Variants in P4HA3 observed in about 807,000 individuals in gnomAD.
The protein encoded by P4HA3 is prolyl 4-hydroxylase subunit alpha 3, also known as prolyl 4-hydroxylase subunit alpha-3.
P4HA3 carries 60 observed loss-of-function variants against 66.7 expected under a neutral mutation model. The observed-to-expected ratio is 0.90, with a 90% CI of 0.73 to 1.12. The LOEUF (loss-of-function observed/expected upper bound fraction) is 1.12. P4HA3 is among the 50% of genes most tolerant of loss of function. The pLI is 0.00. For synonymous variants in P4HA3, 263 were observed against 274.6 expected (o/e 0.96, Z 0.42); for missense variants, 683 against 685.8 (o/e 1.00, Z 0.05).
At chr11:74,251,741 A>G (rs1157163020) in intron 15 of P4HA3, 2 of 1,613,038 alleles carry the variant, frequency 1.2e-6, no homozygotes, top group South Asian at 1.1e-5. Context: ...GGGTTTAAGA[A>G]CCCAGCAGTG....
At position 74,302,626 on chromosome 11, in the gene P4HA3, C is replaced by G. The variant is rs760731981; in HGVS notation, c.344-34G>C. 15 of 1,576,172 alleles carry G rather than the reference C, an allele frequency of 9.5e-6. No homozygotes were observed. In the Admixed American group the frequency reaches 2.7e-4, roughly 28 times the overall value. On this transcript the variant is annotated intron_variant, in intron 2 of 12. Coordinates refer to ENST00000331597, the MANE Select transcript of P4HA3 (RefSeq NM_182904.5). ...GTAGTAAAAACATCAACCCAGCATT[C>G]AAGAAACAGGAGTTGGGCATTTAAT...
At chr11:74,256,134 A>G (rs1859825441) in intron 15 of P4HA3, among the ~76,000 whole-genome samples, 1 of 152,196 alleles carries the variant, frequency 6.6e-6, no homozygotes, top group African/African-American at 2.4e-5. Flanking sequence ...ACAGGTCCAA[A>G]TTCTACAGCT....
chr11:74,287,387 C>T (rs1346749181), intron 5 of P4HA3: 5 of 1,182,630 alleles, frequency 4.2e-6, no homozygotes, highest in Admixed American at 2.4e-5. Flanking sequence ...AGCCCAAACC[C>T]CAGTGAAAAT....
At chr11:74,262,198 C>T (rs1859917682), downstream of P4HA3, among the ~76,000 whole-genome samples, 1 of 152,148 alleles carries the variant, frequency 6.6e-6, no homozygotes, top group African/African-American at 2.4e-5. Context: ...CATCTAGTGC[C>T]TAGAATCCAC....
rs183833682 is a variant in P4HA3, at chr11:74,251,874, A to G, written c.*1319-3873T>C. ...TGAAGAGCCTGGCATGTCTGTTTCT[A>G]CAAAGCCATGGTTGGTTGTTTCTTT... On this transcript the variant is annotated intron_variant and NMD_transcript_variant, in intron 15 of 15. Coordinates refer to the P4HA3 transcript ENST00000524388. The G allele has an allele frequency of 9.4e-4, 894 of 946,426 alleles. 11 individuals are homozygous for G. The highest frequency in any genetic ancestry group is 8.2e-3 in the South Asian group (633 of 77,450). The allele number at this position is 946,426 out of a possible 1,614,324, so 58.6% of individuals were successfully genotyped here. A position where few individuals can be genotyped will look rare whatever the true frequency, so the allele number is the denominator to read the frequency against.
At chr11:74,264,307 C>T (rs1012481528), downstream of P4HA3, among the ~76,000 whole-genome samples, 1 of 152,108 alleles carries the variant, frequency 6.6e-6, no homozygotes, top group African/African-American at 2.4e-5. Flanking sequence ...AGTGGTAAAG[C>T]GTTTTGAAAA....
chr11:74,290,206 AT>A (rs1191685540), intron 4 of P4HA3, among the ~76,000 whole-genome samples: 2 of 151,950 alleles, frequency 1.3e-5, no homozygotes, highest in Non-Finnish European at 2.9e-5. Context: ...GACGATGAGC[AT>A]TTTTTCATGT....
In P4HA3 at chr11:74,285,865, G is replaced by C. The variant is rs1591111268; in HGVS notation, c.1054C>G (p.His352Asp). Residue 352 changes from histidine (H) to aspartate (D), a missense_variant, in exon 7 of 13, where the codon CAT (histidine) becomes GAT (aspartate). Coordinates refer to ENST00000331597, the MANE Select transcript of P4HA3 (RefSeq NM_182904.5). ...IHLEPYIALY[H>D]DFVSDSEAQK... is the part of the protein sequence containing the mutation. ...GCCTCTGAGTCACTGACGAAGTCAT[G>C]GTAGAGAGCAATGTAGGGCTCCAGG... The C allele has an allele frequency of 6.2e-7, 1 of 1,613,962 alleles. No individual in the cohort carries two copies. The highest frequency in any genetic ancestry group is 1.3e-5 in the African/African-American group (1 of 74,920).
chr11:74,253,455 T>C lies in P4HA3; in HGVS notation c.*1319-5454A>G, dbSNP rs185000095. 9.6e-4 allele frequency: 1,532 copies of C among 1,588,202 alleles called. 8 individuals carry two copies. The highest frequency in any genetic ancestry group is 5.6e-3 in the South Asian group (509 of 90,464). ...TAAGCAAGGGAAAGCTATTGATAGTTACATTTGTTTTTCCTTCTCTTTCTG... is the reference window on the plus strand; with the variant it reads ...TAAGCAAGGGAAAGCTATTGATAGTCACATTTGTTTTTCCTTCTCTTTCTG... On this transcript the variant is annotated intron_variant and NMD_transcript_variant, in intron 15 of 15. Transcript: ENST00000524388.
chr11:74,278,081 G>T (rs894282944), intron 8 of P4HA3, among the ~76,000 whole-genome samples: 1 of 152,210 alleles, frequency 6.6e-6, no homozygotes. Flanking sequence ...ACAAAGTAAG[G>T]TACAGTGAAA....
chr11:74,282,640 T>TAC (rs147518700), intron 7 of P4HA3, among the ~76,000 whole-genome samples: 2,303 of 152,180 alleles, frequency 0.015, 65 homozygotes, highest in African/African-American at 0.053. Flanking sequence ...GCTTGAGTGG[T>TAC]CAGACCTGAC....
At chr11:74,274,232 A>G (rs191382220) in intron 9 of P4HA3, among the ~76,000 whole-genome samples, 147 of 151,850 alleles carry the variant, frequency 9.7e-4, no homozygotes, top group Non-Finnish European at 1.4e-3. Context: ...TTGTGCAGAT[A>G]TATCAAAATT....
At chr11:74,304,243 T>A in intron 2 of P4HA3, 27 bp downstream of exon 2, 1 of 1,612,180 alleles carries the variant, frequency 6.2e-7, no homozygotes, top group Non-Finnish European at 8.5e-7. Flanking sequence ...ATCTTCTCTC[T>A]TACCCTCCAG....
At chr11:74,309,489 C>T (rs994565525) in intron 1 of P4HA3, among the ~76,000 whole-genome samples, 4 of 152,150 alleles carry the variant, frequency 2.6e-5, no homozygotes, top group African/African-American at 7.2e-5. Flanking sequence ...CCCCCCACTC[C>T]CGTCTCCATC....
In P4HA3 at chr11:74,289,462, T is replaced by C. The variant is rs1000937090; in HGVS notation, c.718-332A>G. Among the ~76,000 whole-genome samples, 5 of 152,302 alleles carry C rather than the reference T, an allele frequency of 3.3e-5. No individual in the cohort carries two copies. In the South Asian group the frequency reaches 8.3e-4, roughly 25 times the overall value. ...TTTTCTTTTAATTTTATTATTATTA[T>C]ACTTTAAGTTTTAGGGTACATGTGC... On this transcript the variant is annotated intron_variant, in intron 4 of 12. Coordinates refer to ENST00000331597, the MANE Select transcript of P4HA3 (RefSeq NM_182904.5).
At chr11:74,275,605 G>T (rs962072564) in intron 9 of P4HA3, among the ~76,000 whole-genome samples, 1 of 152,172 alleles carries the variant, frequency 6.6e-6, no homozygotes, top group African/African-American at 2.4e-5. Context: ...ATCAGATAGT[G>T]TATGTCCTCC....
At chr11:74,296,459 G>A (rs1015965508) in intron 4 of P4HA3, among the ~76,000 whole-genome samples, 2 of 152,186 alleles carry the variant, frequency 1.3e-5, no homozygotes, top group Admixed American at 6.5e-5. Flanking sequence ...ACTAGGGGGT[G>A]AGGAGGAACA....
chr11:74,285,649 AT>A (rs555464827), intron 7 of P4HA3, 159 bp downstream of exon 7: 7 of 719,204 alleles, frequency 9.7e-6, no homozygotes, highest in Admixed American at 2.8e-5. Flanking sequence ...CACTATTGTG[AT>A]TTTTTTCCAC....
chr11:74,257,927 C>G (rs1859853804), intron 15 of P4HA3, among the ~76,000 whole-genome samples: 1 of 152,078 alleles, frequency 6.6e-6, no homozygotes, highest in South Asian at 2.1e-4. Flanking sequence ...GGGCCAAGAA[C>G]CCTTAAGTTG....
Sources: allele counts gnomAD v4.1 joint callset (sites outside exome capture counted in the v4.1 genomes callset), GRCh38; gene constraint gnomAD v4.1.1; transcripts MANE v1.5; gene names NCBI Gene and HGNC (gene_info 2026-07-23, HGNC 2026-07-21).